The following CILP variants were observed in gnomAD, a reference collection of about 807,000 sequenced individuals.
The protein encoded by CILP is cartilage intermediate layer protein 1.
A neutral mutation model predicts 82.5 loss-of-function variants in CILP; 75 were observed. The observed-to-expected ratio is 0.91, with a 90% CI of 0.75 to 1.10. The LOEUF is 1.10. Ranked by LOEUF, CILP falls within the 50% of genes least tolerant of loss-of-function variation. CILP has a pLI of 0.00. For missense variants in CILP, 1,479 were observed against 1,530.8 expected, an observed-to-expected ratio of 0.97 and a Z score of 0.56; for synonymous variants, 530 against 580.3, an observed-to-expected ratio of 0.91 and a Z score of 1.25.
At position 65,200,644 on chromosome 15, in the gene CILP, C is replaced by G. The variant is rs140617420; in HGVS notation, c.1186+1228G>C. On this transcript the variant is annotated intron_variant, in intron 8 of 8. Transcript: ENST00000261883. ...TATATCTTTACCCATGCTGGCCCCT[C>G]AATCTGGAACACCCTCACCTCCACA... is the stretch of plus-strand genomic sequence containing the variant. Among the ~76,000 whole-genome samples, 436 of 152,270 alleles carry G rather than the reference C, an allele frequency of 2.9e-3. 1 individual carries two copies. The highest frequency in any genetic ancestry group is 7.8e-3 in the Admixed American group (120 of 15,296).
chr15:65,203,067 G>C (rs974345789), intron 7 of CILP, among the ~76,000 whole-genome samples: 1 of 151,902 alleles, frequency 6.6e-6, no homozygotes. Flanking sequence ...GAGCTCCTGG[G>C]CTCAAGCAAT....
intron 4 of CILP, 44 bp from the exon 5 acceptor site, chr15:65,205,510 G>T: frequency 2.6e-6 from 4 of 1,542,260 alleles, no homozygotes; most frequent in Non-Finnish European, 2.6e-6. Flanking sequence ...CCTCTTGAGG[G>T]AACTCTGTCA....
Position 65,207,162 on chromosome 15 carries a change from C to T in CILP, c.155-111G>A, listed in dbSNP as rs956876161. ...TCAGGCCCTATCACATTTGTCTCTCCAGTATCTCTCCAATCCCCTCTTACA... is the reference window on the plus strand; with the variant it reads ...TCAGGCCCTATCACATTTGTCTCTCTAGTATCTCTCCAATCCCCTCTTACA... On this transcript the variant is annotated intron_variant, in intron 3 of 8. Transcript: ENST00000261883. 9.9e-6 allele frequency: 12 copies of T among 1,210,788 alleles called. No individual in the cohort carries two copies. In the African/African-American group the frequency reaches 1.8e-4, roughly 18 times the overall value. 75.0% of individuals were successfully genotyped at this position (1,210,788 alleles called of 1,614,324 possible). A position where few individuals can be genotyped will look rare whatever the true frequency, so the allele number is the denominator to read the frequency against.
chr15:65,198,540 C>T lies in CILP; in HGVS notation c.1746G>A (p.Met582Ile). 5 of 1,614,206 alleles carry T rather than the reference C, an allele frequency of 3.1e-6. No individual in the cohort carries two copies. The highest frequency in any genetic ancestry group is 1.3e-5 in the African/African-American group (1 of 75,054). Reference sequence around the variant, plus strand: ...CCCCCAGGGGGATGATGTTGGTCTCCATGGCTTCCAAAGTGATGGGCTTTT... The same window carrying T: ...CCCCCAGGGGGATGATGTTGGTCTCTATGGCTTCCAAAGTGATGGGCTTTT... Reference protein sequence around the residue: ...RRKKPITLEAMETNIIPLGEV... With the variant: ...RRKKPITLEAIETNIIPLGEV... The change falls in exon 9 of 9, where the codon ATG becomes ATA. Residue 582 changes from methionine to isoleucine, a missense_variant. Physicochemically the swap from Met to Ile is conservative, Grantham distance 10. Coordinates refer to ENST00000261883, the MANE Select transcript of CILP (RefSeq NM_003613.4).
In CILP at chr15:65,198,925, C is replaced by T; in HGVS notation, c.1361G>A (p.Cys454Tyr). 2 of 1,614,042 alleles carry T rather than the reference C, an allele frequency of 1.2e-6. No homozygotes were observed. Among genetic ancestry groups the T allele is most frequent in the Admixed American group, 3.3e-5 (2 of 60,022 alleles). ...TTCCTCTGTCTTGGAGATGCCACAG[C>T]AGTTCTGCACAGCATCACGGCACCT... The part of the protein sequence containing the change: ...GIRCRDAVQN[C>Y]CGISKTEERE... Residue 454 changes from cysteine to tyrosine, a missense_variant, in exon 9 of 9, where the codon TGC (cysteine) becomes TAC (tyrosine). Physicochemically the swap from Cys to Tyr is radical, Grantham distance 194. Transcript: ENST00000261883.
At chr15:65,202,084 T>C (rs2088464564) in intron 7 of CILP, 55 bp from the exon 8 acceptor site, 8 of 1,422,496 alleles carry the variant, frequency 5.6e-6, no homozygotes, top group Non-Finnish European at 7.5e-6. Context: ...CAGGTATTCC[T>C]AGAAAAGTGC....
intron 2 of CILP, among the ~76,000 whole-genome samples, chr15:65,209,149 C>T (rs1012648728): frequency 6.6e-6 from 1 of 151,302 alleles, no homozygotes; most frequent in Non-Finnish European, 1.5e-5. Context: ...TCTTCTGTTC[C>T]ACCAGACAAA....
chr15:65,197,479 C>T lies in CILP; in HGVS notation c.2807G>A (p.Ser936Asn), dbSNP rs777389416. Residue 936 changes from serine to asparagine, a missense_variant, in exon 9 of 9, where the codon AGC becomes AAC. By Grantham distance (46) the Ser-to-Asn change is conservative. Transcript: ENST00000261883. Reference sequence around the variant, plus strand: ...CCATGCCAGATAGTCTTCAGTCCAGCTCATAGGGTCATCTTCGTTGAAGGG... The same window carrying T: ...CCATGCCAGATAGTCTTCAGTCCAGTTCATAGGGTCATCTTCGTTGAAGGG... ...TVPFNEDDPM[S>N]WTEDYLAWWP... The T allele has an allele frequency of 2.5e-6, 4 of 1,614,250 alleles. No homozygotes were observed. The highest frequency in any genetic ancestry group is 4.5e-5 in the East Asian group (2 of 44,892).
At chr15:65,204,701 G>A (rs1480656563) in intron 5 of CILP, 119 bp from the exon 6 acceptor site, 10 of 989,276 alleles carry the variant, frequency 1.0e-5, no homozygotes, top group Non-Finnish European at 1.4e-5. Context: ...CAGCCTGCAT[G>A]ACTAACTCCC....
At chr15:65,211,268 A>C (rs1296991642) in intron 1 of CILP, among the ~76,000 whole-genome samples, 160 bp downstream of exon 1, 3 of 151,950 alleles carry the variant, frequency 2.0e-5, no homozygotes, top group African/African-American at 7.3e-5. Flanking sequence ...CAGATTCCCA[A>C]AGCAGAAAGG....
rs377750952 is a variant in CILP at position 65,203,433 on chromosome 15, T to G, written c.957A>C (p.Ala319=). The part of the protein sequence containing the change: ...PYMVMNPETK[A]RRAGQSVSLC... ...GAGACACGCTCTGCCCAGCTCTCCG[T>G]GCTTTTGTCTCAGGGTTCATCACCA... The change falls in exon 7 of 9, where the codon GCA becomes GCC. Residue 319 remains alanine, a synonymous_variant. Transcript: ENST00000261883. 25 of 1,612,850 alleles carry G rather than the reference T, an allele frequency of 1.6e-5. No individual in the cohort carries two copies. Among genetic ancestry groups the G allele is most frequent in the Non-Finnish European group, 1.9e-5 (23 of 1,180,012 alleles).
chr15:65,210,582 C>T lies in CILP; in HGVS notation c.-106-721G>A, dbSNP rs1237267428. ...CAAGGGCAAGGAACTATGGGGCGTGCGTGGCCCAGGCCGCAGCTGAGCAGA... is the reference window on the plus strand; with the variant it reads ...CAAGGGCAAGGAACTATGGGGCGTGTGTGGCCCAGGCCGCAGCTGAGCAGA... On this transcript the variant is annotated intron_variant, in intron 1 of 8. Coordinates refer to ENST00000261883, the MANE Select transcript of CILP (RefSeq NM_003613.4). Among the ~76,000 whole-genome samples the T allele has an allele frequency of 3.9e-5, 6 of 152,302 alleles. No homozygotes were observed. The East Asian group carries it at 5.8e-4, about 15-fold the overall frequency.
Position 65,196,862 on chromosome 15 carries a change from C to T in CILP, c.3424G>A (p.Ala1142Thr), listed in dbSNP as rs1212481939. The T allele has an allele frequency of 6.2e-7, 1 of 1,613,878 alleles. No homozygotes were observed. ...YLQSTPAQSP[A>T]AGTVQGRVPS... ...ACTCTTCCTTGGACAGTGCCTGCAG[C>T]AGGGGACTGGGCTGGGGTGCTTTGG... The change falls in exon 9 of 9, where the codon GCT (alanine) becomes ACT (threonine). Residue 1142 changes from alanine to threonine, a missense_variant. Coordinates refer to ENST00000261883, the MANE Select transcript of CILP (RefSeq NM_003613.4).
intron 4 of CILP, among the ~76,000 whole-genome samples, chr15:65,205,986 C>T (rs1260047321): frequency 6.6e-6 from 1 of 152,166 alleles, no homozygotes; most frequent in East Asian, 1.9e-4. Context: ...CCACCACTGG[C>T]GTCTGGGCCT....
Position 65,196,436 on chromosome 15 carries a change from G to C in CILP, c.*295C>G, listed in dbSNP as rs1247280029. On this transcript the variant is annotated 3_prime_UTR_variant, in exon 9 of 9. Transcript: ENST00000261883. ...CAAAACCATGCAAAAAGAAGAGGAA[G>C]TATATTTGCATTAATGGCATTAAAT... 1 of 315,994 alleles carries C rather than the reference G, an allele frequency of 3.2e-6. No individual in the cohort carries two copies. Among genetic ancestry groups the C allele is most frequent in the African/African-American group, 2.1e-5 (1 of 46,896 alleles). 19.6% of individuals were successfully genotyped at this position (315,994 alleles called of 1,614,324 possible).
At chr15:65,200,081 T>A (rs1566994389) in intron 8 of CILP, among the ~76,000 whole-genome samples, 1 of 152,194 alleles carries the variant, frequency 6.6e-6, no homozygotes, top group Non-Finnish European at 1.5e-5. Context: ...TGGATTTAAA[T>A]GCAAGTAGTT....
chr15:65,204,224 A>T, intron 6 of CILP, 44 bp downstream of exon 6: 2 of 1,559,982 alleles, frequency 1.3e-6, no homozygotes, highest in Non-Finnish European at 8.7e-7. Context: ...TTTATTTAAA[A>T]ATCTGGACCT....
chr15:65,200,610 T>C (rs2088437586), intron 8 of CILP, among the ~76,000 whole-genome samples: 1 of 152,120 alleles, frequency 6.6e-6, no homozygotes, highest in East Asian at 1.9e-4. Flanking sequence ...CCCCCTCAGT[T>C]CCCACTTCTA....
Position 65,204,340 on chromosome 15 carries a change from C to A in CILP, c.847G>T (p.Ala283Ser). 5 of 1,614,200 alleles carry A rather than the reference C, an allele frequency of 3.1e-6. No homozygotes were observed. The South Asian group carries it at 5.5e-5, about 18-fold the overall frequency. ...TTGGGCATTGTGAGTACAATGGGGG[C>A]AAACTTGACCTTTGTGATCTTCAGG... The part of the protein sequence containing the change: ...SILKITKVKF[A>S]PIVLTMPKTS... Residue 283 changes from alanine to serine, a missense_variant, in exon 6 of 9, where the codon GCC becomes TCC. By Grantham distance (99) the Ala-to-Ser change is moderately conservative. Coordinates refer to ENST00000261883, the MANE Select transcript of CILP (RefSeq NM_003613.4).
Sources: gnomAD v4.1 joint callset for allele counts (sites outside exome capture counted in the v4.1 genomes callset) on GRCh38, gnomAD v4.1.1 for gene constraint, MANE v1.5 for transcripts, NCBI Gene and HGNC (gene_info 2026-07-23, HGNC 2026-07-21) for gene names.